The following TPMT variants were observed in gnomAD, a reference collection of about 807,000 sequenced individuals.
The protein encoded by TPMT is S-adenosyl-L-methionine:thiopurine S-methyltransferase.
Under a neutral mutation model 34.2 loss-of-function variants are expected in TPMT, and 18 were observed. The ratio of observed to expected loss-of-function variants is 0.53; its 90% CI spans 0.36 to 0.78. The LOEUF is 0.78. Ranked by LOEUF, TPMT falls within the 30% of genes least tolerant of loss-of-function variation. The pLI is 0.00. For missense variants in TPMT, 265 were observed against 288.1 expected (o/e 0.92, Z 0.58); for synonymous variants, 69 against 92.4 (o/e 0.75, Z 1.45).
At chr6:18,133,929 C>A (rs1357156817) in intron 6 of TPMT, 40 bp from the exon 7 acceptor site, 3 of 1,557,808 alleles carry the variant, frequency 1.9e-6, no homozygotes, top group Non-Finnish European at 2.7e-6. Context: ...CATTTCTCTA[C>A]ACAGGCAAAG....
At position 18,129,799 on chromosome 6, in the gene TPMT, T is replaced by A. The variant is rs1783902014; in HGVS notation, c.*869A>T. On this transcript the variant is annotated 3_prime_UTR_variant, in exon 9 of 9. Transcript: ENST00000309983. ...AATTAAAATGTATTTGTTTCTTGAT[T>A]CTGTTACAGATTGTTTAATTAAAAT... 6.6e-6 allele frequency: 1 copy of A among 152,232 alleles called. No individual in the cohort carries two copies. The highest frequency in any genetic ancestry group is 1.5e-5 in the Non-Finnish European group (1 of 68,032). The allele number at this position is 152,232 out of a possible 1,614,324, so 9.4% of individuals were successfully genotyped here.
At position 18,143,257 on chromosome 6, in the gene TPMT, G is replaced by C. The variant is rs187200191; in HGVS notation, c.366+339C>G. On this transcript the variant is annotated intron_variant, in intron 4 of 8. Transcript: ENST00000309983. This position sits in a 1 kb window ranked among gnomAD's most constrained non-coding sequence, Gnocchi z 6.1. ...GAGATTCTTTAGGGGTGGGAGTGAGGGGGGTGTGCTGTGTTATCTTTATCT... is the reference window on the plus strand; with the variant it reads ...GAGATTCTTTAGGGGTGGGAGTGAGCGGGGTGTGCTGTGTTATCTTTATCT... Among the ~76,000 whole-genome samples, 1 of 152,120 alleles carries C rather than the reference G, an allele frequency of 6.6e-6. No homozygotes were observed. The highest frequency in any genetic ancestry group is 1.5e-5 in the Non-Finnish European group (1 of 68,018).
rs1784175495 is a variant in TPMT at position 18,143,092 on chromosome 6, C to T, written c.366+504G>A. On this transcript the variant is annotated intron_variant, in intron 4 of 8. Coordinates refer to ENST00000309983, the MANE Select transcript of TPMT (RefSeq NM_000367.5). The surrounding 1 kb of genome is among the most constrained non-coding windows in gnomAD (Gnocchi z 6.1). ...ACCCAGGCCCTGCCTGATTCCAGCT[C>T]TATCTGTCACCATGCTTCAGGAAGC... 6.6e-6 allele frequency among the ~76,000 whole-genome samples: 1 copy of T among 152,156 alleles called. No individual in the cohort carries two copies. Among genetic ancestry groups the T allele is most frequent in the Non-Finnish European group, 1.5e-5 (1 of 68,044 alleles).
chr6:18,152,114 T>C (rs1315484605), intron 1 of TPMT, among the ~76,000 whole-genome samples: 1 of 152,122 alleles, frequency 6.6e-6, no homozygotes, highest in Admixed American at 6.5e-5. Flanking sequence ...TTTCAAGCAA[T>C]CCTCCTTGTT....
intron 1 of TPMT, among the ~76,000 whole-genome samples, chr6:18,151,164 A>AT (rs1784346807): frequency 7.0e-6 from 1 of 142,668 alleles, no homozygotes; most frequent in Non-Finnish European, 1.5e-5. Flanking sequence ...CTTAATTCTC[A>AT]TTTTTTTAAC....
At position 18,147,912 on chromosome 6, in the gene TPMT, TA is replaced by T; in HGVS notation, c.143del (p.Leu48HisfsTer2). ...TAFHQEQGHQ[L>X]LKKHLDTFLK... is the part of the protein sequence containing the mutation. ...GGAAAGTATCTAAATGCTTCTTTAA[TA>T]GCCTGAAGAGGAAAAAAAAAAAGGT... On this transcript the variant is annotated frameshift_variant and splice_region_variant, in exon 3 of 9. Transcript: ENST00000309983. LOFTEE classifies it high-confidence loss of function. 1.2e-6 allele frequency: 2 copies of T among 1,612,754 alleles called. No individual in the cohort carries two copies. Among genetic ancestry groups the T allele is most frequent in the East Asian group, 4.5e-5 (2 of 44,816 alleles).
At position 18,150,197 on chromosome 6, in the gene TPMT, A is replaced by G. The variant is rs1246440358; in HGVS notation, c.-44-1026T>C. 6.6e-6 allele frequency among the ~76,000 whole-genome samples: 1 copy of G among 152,230 alleles called. No individual in the cohort carries two copies. Among genetic ancestry groups the G allele is most frequent in the Admixed American group, 6.5e-5 (1 of 15,290 alleles). ...ACTCACAAACCTCAGAGAAATACTT[A>G]GTTATCTTTGCACATTTATTATAAA... On this transcript the variant is annotated intron_variant, in intron 1 of 8. Coordinates refer to ENST00000309983, the MANE Select transcript of TPMT (RefSeq NM_000367.5). This position sits in a 1 kb window ranked among gnomAD's most constrained non-coding sequence, Gnocchi z 5.3.
rs1308153543 is a variant in TPMT at position 18,149,643 on chromosome 6, T to A, written c.-44-472A>T. ...TGGTTAATTTTTGTATATATATATT[T>A]TTTAATAGAGATGGTTCTCATTTTG... On this transcript the variant is annotated intron_variant, in intron 1 of 8. Transcript: ENST00000309983. This position sits in a 1 kb window ranked among gnomAD's most constrained non-coding sequence, Gnocchi z 5.0. Among the ~76,000 whole-genome samples the A allele has an allele frequency of 6.6e-6, 1 of 151,974 alleles. No individual in the cohort carries two copies. The highest frequency in any genetic ancestry group is 2.4e-5 in the African/African-American group (1 of 41,376).
Position 18,153,597 on chromosome 6 carries a change from C to T in TPMT, c.-45+1436G>A, listed in dbSNP as rs1226497147. ...AGGCATTTCTCTCATTACCTGGGAA[C>T]ATGAATTCACTTCTTAGCAAATATT... is the stretch of plus-strand genomic sequence containing the variant. On this transcript the variant is annotated intron_variant, in intron 1 of 8. Transcript: ENST00000309983. The surrounding 1 kb of genome is among the most constrained non-coding windows in gnomAD (Gnocchi z 4.2). Among the ~76,000 whole-genome samples, 1 of 152,170 alleles carries T rather than the reference C, an allele frequency of 6.6e-6. No homozygotes were observed. The highest frequency in any genetic ancestry group is 1.5e-5 in the Non-Finnish European group (1 of 68,032).
In TPMT at chr6:18,152,400, C is replaced by G. The variant is rs538236749; in HGVS notation, c.-45+2633G>C. ...CAGCAAAAACAGATTAAAGTAGATA[C>G]TGAACCATAGTTCAATATCCTATCT... On this transcript the variant is annotated intron_variant, in intron 1 of 8. Transcript: ENST00000309983. 7.5e-4 allele frequency among the ~76,000 whole-genome samples: 114 copies of G among 152,268 alleles called. 1 individual carries two copies. Among genetic ancestry groups the G allele is most frequent in the Non-Finnish European group, 1.3e-3 (90 of 68,026 alleles).
Position 18,150,631 on chromosome 6 carries a change from T to C in TPMT, c.-44-1460A>G, listed in dbSNP as rs1460168471. Reference sequence around the variant, plus strand: ...TTTTTAGTGACCACGCTTATATTGGTGAAGCCTAACCTCCAGAGCTTCCTG... The same window carrying C: ...TTTTTAGTGACCACGCTTATATTGGCGAAGCCTAACCTCCAGAGCTTCCTG... On this transcript the variant is annotated intron_variant, in intron 1 of 8. Transcript: ENST00000309983. This position sits in a 1 kb window ranked among gnomAD's most constrained non-coding sequence, Gnocchi z 5.3. 1.3e-5 allele frequency among the ~76,000 whole-genome samples: 2 copies of C among 152,322 alleles called. No homozygotes were observed. Among genetic ancestry groups the C allele is most frequent in the East Asian group, 1.9e-4 (1 of 5,184 alleles).
In TPMT at chr6:18,146,956, T is replaced by G. The variant is rs1784257326; in HGVS notation, c.233+867A>C. ...TTATTATATTTTACATTTATTAATATTTTATTTTAAATTTATTTTTTGAGG... is the reference window on the plus strand; with the variant it reads ...TTATTATATTTTACATTTATTAATAGTTTATTTTAAATTTATTTTTTGAGG... On this transcript the variant is annotated intron_variant, in intron 3 of 8. Coordinates refer to ENST00000309983, the MANE Select transcript of TPMT (RefSeq NM_000367.5). This position sits in a 1 kb window ranked among gnomAD's most constrained non-coding sequence, Gnocchi z 6.2. 6.6e-6 allele frequency among the ~76,000 whole-genome samples: 1 copy of G among 152,180 alleles called. No homozygotes were observed. The highest frequency in any genetic ancestry group is 1.5e-5 in the Non-Finnish European group (1 of 68,040).
rs967711340 is a variant in TPMT at position 18,131,822 on chromosome 6, C to T, written c.625+311G>A. Reference sequence around the variant, plus strand: ...AGATGGAGTCTCACTCTGTTACCCACGCTGGAGTGCAGTGGCACAATCTTG... The same window carrying T: ...AGATGGAGTCTCACTCTGTTACCCATGCTGGAGTGCAGTGGCACAATCTTG... On this transcript the variant is annotated intron_variant, in intron 8 of 8. Coordinates refer to ENST00000309983, the MANE Select transcript of TPMT (RefSeq NM_000367.5). This position sits in a 1 kb window ranked among gnomAD's most constrained non-coding sequence, Gnocchi z 4.3. Among the ~76,000 whole-genome samples the T allele has an allele frequency of 5.3e-5, 8 of 151,840 alleles. No individual in the cohort carries two copies. The highest frequency in any genetic ancestry group is 1.0e-4 in the Non-Finnish European group (7 of 67,938).
rs1342951869 is a variant in TPMT at position 18,138,151 on chromosome 6, T to C, written c.494+812A>G. On this transcript the variant is annotated intron_variant, in intron 6 of 8. Transcript: ENST00000309983. The surrounding 1 kb of genome is among the most constrained non-coding windows in gnomAD (Gnocchi z 4.1). ...TCTGTCACATACCAGCTGCTTAACT[T>C]TGGACAAGTAACTTAATCTCTTTGA... is the stretch of plus-strand genomic sequence containing the variant. Among the ~76,000 whole-genome samples, 3 of 152,182 alleles carry C rather than the reference T, an allele frequency of 2.0e-5. No homozygotes were observed. Among genetic ancestry groups the C allele is most frequent in the Non-Finnish European group, 1.5e-5 (1 of 68,036 alleles).
rs1582048518 is a variant in TPMT, at chr6:18,149,546, C to G, written c.-44-375G>C. 6.6e-6 allele frequency among the ~76,000 whole-genome samples: 1 copy of G among 151,956 alleles called. No individual in the cohort carries two copies. Among genetic ancestry groups the G allele is most frequent in the Non-Finnish European group, 1.5e-5 (1 of 67,992 alleles). ...ACCCTGGCTTACTGCAAGCTTCAAC[C>G]TCCTGGGCTCAAGCGATCCTCCCAT... is the stretch of plus-strand genomic sequence containing the variant. On this transcript the variant is annotated intron_variant, in intron 1 of 8. Transcript: ENST00000309983. This position sits in a 1 kb window ranked among gnomAD's most constrained non-coding sequence, Gnocchi z 5.0.
In TPMT at chr6:18,146,397, A is replaced by G. The variant is rs1784248999; in HGVS notation, c.233+1426T>C. 6.6e-6 allele frequency among the ~76,000 whole-genome samples: 1 copy of G among 152,016 alleles called. No homozygotes were observed. The highest frequency in any genetic ancestry group is 1.5e-5 in the Non-Finnish European group (1 of 68,010). On this transcript the variant is annotated intron_variant, in intron 3 of 8. Transcript: ENST00000309983. The surrounding 1 kb of genome is among the most constrained non-coding windows in gnomAD (Gnocchi z 6.2). The stretch of plus-strand genomic sequence containing the variant: ...GTATTTTTAGTAGAGATGGGTTTTC[A>G]CCATGTTGGCCAGGCTGGTCTCGAA...
chr6:18,136,188 G>C lies in TPMT; in HGVS notation c.495-2299C>G, dbSNP rs1403537211. 6.6e-6 allele frequency among the ~76,000 whole-genome samples: 1 copy of C among 151,992 alleles called. No homozygotes were observed. The highest frequency in any genetic ancestry group is 2.1e-4 in the South Asian group (1 of 4,820). Reference sequence around the variant, plus strand: ...TAAGGAATGGATGATCATCTTCAGGGAGTGGGAAACACCTACAAATTTAGA... The same window carrying C: ...TAAGGAATGGATGATCATCTTCAGGCAGTGGGAAACACCTACAAATTTAGA... On this transcript the variant is annotated intron_variant, in intron 6 of 8. Coordinates refer to ENST00000309983, the MANE Select transcript of TPMT (RefSeq NM_000367.5). The surrounding 1 kb of genome is among the most constrained non-coding windows in gnomAD (Gnocchi z 4.7).
In TPMT at chr6:18,137,989, A is replaced by G. The variant is rs370411549; in HGVS notation, c.494+974T>C. ...GAGATGGGGTTTCACCATGTTGGCC[A>G]GGCTGGTCTCGAACTCCTGACCTCA... On this transcript the variant is annotated intron_variant, in intron 6 of 8. Transcript: ENST00000309983. Among the ~76,000 whole-genome samples, 15 of 152,262 alleles carry G rather than the reference A, an allele frequency of 9.9e-5. No individual in the cohort carries two copies. The East Asian group carries it at 2.7e-3, about 28-fold the overall frequency.
At chr6:18,133,093 AAAAAC>A (rs1205308820) in intron 7 of TPMT, among the ~76,000 whole-genome samples, 16 of 152,196 alleles carry the variant, frequency 1.1e-4, no homozygotes, top group African/African-American at 3.9e-4. Context: ...ACTGTGTCTC[AAAAAC>A]AAAACAAAAC....
Sources: allele counts gnomAD v4.1 joint callset (sites outside exome capture counted in the v4.1 genomes callset), GRCh38; gene constraint gnomAD v4.1.1; non-coding constraint Gnocchi (gnomAD v3.1); transcripts MANE v1.5; gene names NCBI Gene and HGNC (gene_info 2026-07-23, HGNC 2026-07-21).